Variants in LDB2 observed in about 807,000 individuals in gnomAD.
LDB2 encodes LIM domain-binding protein 2.
LDB2 carries 12 observed loss-of-function variants against 44.3 expected under a neutral mutation model. The observed-to-expected ratio is 0.27, with a 90% CI of 0.17 to 0.44. LDB2 has a LOEUF of 0.44. LDB2 is among the 20% of genes least tolerant of loss of function. The pLI is 1.00. For missense variants in LDB2, 344 were observed against 473.5 expected (o/e 0.73, Z 2.54); for synonymous variants, 164 against 174.8 (o/e 0.94, Z 0.49).
At chr4:16,648,336 T>C (rs1228901049) in intron 2 of LDB2, among the ~76,000 whole-genome samples, 3 of 152,298 alleles carry the variant, frequency 2.0e-5, no homozygotes, top group East Asian at 1.9e-4. Flanking sequence ...AGAAACACCA[T>C]TGTAGATGAA....
At chr4:16,643,884 T>G (rs1460982188) in intron 2 of LDB2, among the ~76,000 whole-genome samples, 5 of 152,238 alleles carry the variant, frequency 3.3e-5, no homozygotes, top group Admixed American at 2.0e-4. Context: ...TTGAGATGCA[T>G]TCTGAGAAAT....
At chr4:16,770,125 T>C (rs1468229014) in intron 1 of LDB2, among the ~76,000 whole-genome samples, 6 of 152,212 alleles carry the variant, frequency 3.9e-5, no homozygotes, top group Non-Finnish European at 7.3e-5. Context: ...TGAGCTTTTT[T>C]TGCTACCAGA....
intron 1 of LDB2, among the ~76,000 whole-genome samples, chr4:16,812,836 C>T (rs1780161992): frequency 6.6e-6 from 1 of 151,992 alleles, no homozygotes; most frequent in Admixed American, 6.6e-5. Flanking sequence ...TCACCAGAAG[C>T]TTTCTTCCAA....
chr4:16,822,826 A>G (rs1579993540), intron 1 of LDB2, among the ~76,000 whole-genome samples: 1 of 152,282 alleles, frequency 6.6e-6, no homozygotes, highest in Non-Finnish European at 1.5e-5. Flanking sequence ...ACGTGCTCTT[A>G]TATTAACAAC....
intron 1 of LDB2, among the ~76,000 whole-genome samples, chr4:16,814,411 T>C (rs1197052293): frequency 6.6e-6 from 1 of 152,094 alleles, no homozygotes; most frequent in African/African-American, 2.4e-5. Context: ...AAGAAAAAAA[T>C]GGTTTCCATC....
intron 2 of LDB2, among the ~76,000 whole-genome samples, chr4:16,668,086 A>T (rs576005955): frequency 6.6e-6 from 1 of 152,370 alleles, no homozygotes; most frequent in South Asian, 2.1e-4. Context: ...AGAGTAGAAT[A>T]GAAAGTTAAA....
intron 1 of LDB2, among the ~76,000 whole-genome samples, chr4:16,844,182 A>G (rs1340390071): frequency 7.0e-6 from 1 of 143,792 alleles, no homozygotes; most frequent in Non-Finnish European, 1.5e-5. Flanking sequence ...GCGTAAGCCT[A>G]GAAGGTGAAG....
intron 1 of LDB2, among the ~76,000 whole-genome samples, chr4:16,761,102 T>C (rs770065679): frequency 2.0e-5 from 3 of 152,080 alleles, no homozygotes; most frequent in Non-Finnish European, 4.4e-5. Flanking sequence ...CAGAACAGTG[T>C]CTAGCCTAGG....
At chr4:16,505,977 T>C in intron 7 of LDB2, 1 of 1,551,566 alleles carries the variant, frequency 6.4e-7, no homozygotes, top group Non-Finnish European at 8.7e-7. Flanking sequence ...GGATCGCTCC[T>C]AGCCCCTGCT....
At chr4:16,647,564 G>A (rs1256757301) in intron 2 of LDB2, among the ~76,000 whole-genome samples, 2 of 152,130 alleles carry the variant, frequency 1.3e-5, no homozygotes, top group Admixed American at 6.5e-5. Context: ...TGGGTCCCAA[G>A]TTCCATGCTG....
rs375442691 is a variant in LDB2 at position 16,614,807 on chromosome 4, A to G, written c.236-18932T>C. On this transcript the variant is annotated intron_variant, in intron 2 of 7. Transcript: ENST00000304523. The stretch of plus-strand genomic sequence containing the variant: ...AAGAAACGGCCGGGCGCGGTGGCTC[A>G]CGCCTGTAATCCCAGCACTTTGGGA... 7.0e-4 allele frequency among the ~76,000 whole-genome samples: 106 copies of G among 151,928 alleles called. No individual in the cohort carries two copies. The South Asian group carries it at 0.021, about 30-fold the overall frequency.
rs111330214 is a variant in LDB2 at position 16,649,345 on chromosome 4, T to C, written c.236-53470A>G. Among the ~76,000 whole-genome samples the C allele has an allele frequency of 8.8e-3, 1,341 of 152,292 alleles. 17 individuals are homozygous for C. Among genetic ancestry groups the C allele is most frequent in the African/African-American group, 0.031 (1,286 of 41,546 alleles). On this transcript the variant is annotated intron_variant, in intron 2 of 7. Transcript: ENST00000304523. ...ACCAAAGTCTAATTGCTCTACTATA[T>C]TGTAAACATTTCACTTTCCTTAGGT...
chr4:16,507,462 A>T (rs1158255908), intron 7 of LDB2, among the ~76,000 whole-genome samples: 2 of 152,142 alleles, frequency 1.3e-5, no homozygotes, highest in Non-Finnish European at 2.9e-5. Context: ...CCCTGTGCGA[A>T]GGTCCACTCG....
rs574411692 is a variant in LDB2 at position 16,799,103 on chromosome 4, T to C, written c.133-39843A>G. ...CTCCTGACCTCGTGATCCGCCCTCCTCGGCCTCCCGAAGTGTTGGGATTAC... is the reference window on the plus strand; with the variant it reads ...CTCCTGACCTCGTGATCCGCCCTCCCCGGCCTCCCGAAGTGTTGGGATTAC... On this transcript the variant is annotated intron_variant, in intron 1 of 7. Coordinates refer to ENST00000304523, the MANE Select transcript of LDB2 (RefSeq NM_001290.5). Among the ~76,000 whole-genome samples, 281 of 152,282 alleles carry C rather than the reference T, an allele frequency of 1.8e-3. 1 individual carries two copies. The highest frequency in any genetic ancestry group is 3.2e-3 in the Non-Finnish European group (221 of 68,034).
intron 2 of LDB2, among the ~76,000 whole-genome samples, chr4:16,715,406 T>C (rs1404464584): frequency 6.6e-6 from 1 of 152,228 alleles, no homozygotes; most frequent in Non-Finnish European, 1.5e-5. Flanking sequence ...TCAGGTTCCA[T>C]ACTGGTCACT....
intron 2 of LDB2, among the ~76,000 whole-genome samples, chr4:16,736,261 C>G (rs545715030): frequency 6.6e-6 from 1 of 152,288 alleles, no homozygotes; most frequent in East Asian, 1.9e-4. Flanking sequence ...CTTCTAAACC[C>G]TCCTTCACTC....
At chr4:16,768,217 TA>T (rs1769801478) in intron 1 of LDB2, among the ~76,000 whole-genome samples, 4 of 152,244 alleles carry the variant, frequency 2.6e-5, no homozygotes, top group Non-Finnish European at 5.9e-5. Flanking sequence ...AAAATAAACT[TA>T]AACAGGTCAA....
chr4:16,707,720 G>A (rs1290974116), intron 2 of LDB2, among the ~76,000 whole-genome samples: 1 of 151,634 alleles, frequency 6.6e-6, no homozygotes, highest in Non-Finnish European at 1.5e-5. Context: ...AGAGATGGGT[G>A]AATGGTTTGA....
At chr4:16,892,944 C>A in intron 1 of LDB2, 2 of 198,504 alleles carry the variant, frequency 1.0e-5, no homozygotes, top group Non-Finnish European at 1.8e-5. Flanking sequence ...TTTTTTTTTT[C>A]TTTTTTCTTC....
Sources: allele counts gnomAD v4.1 joint callset (sites outside exome capture counted in the v4.1 genomes callset), GRCh38; gene constraint gnomAD v4.1.1; transcripts MANE v1.5; gene names NCBI Gene and HGNC (gene_info 2026-07-23, HGNC 2026-07-21).